PPP1R12A: variants seen among roughly 807,000 people sequenced by gnomAD.
PPP1R12A encodes protein phosphatase 1 regulatory subunit 12A.
PPP1R12A carries 19 observed loss-of-function variants against 139.6 expected under a neutral mutation model. The observed-to-expected ratio is 0.14, with a 90% CI of 0.09 to 0.20. The LOEUF is 0.20. Among genes scored for constraint, PPP1R12A ranks in the 10% least tolerant of loss-of-function variants. The pLI is 1.00. For missense variants in PPP1R12A, 925 were observed against 1,211.5 expected, an observed-to-expected ratio of 0.76 and a Z score of 3.51; for synonymous variants, 427 against 420.6, an observed-to-expected ratio of 1.02 and a Z score of -0.19.
intron 1 of PPP1R12A, among the ~76,000 whole-genome samples, chr12:79,883,489 A>G (rs1349229841): frequency 2.0e-5 from 3 of 152,122 alleles, no homozygotes; most frequent in Non-Finnish European, 4.4e-5. Flanking sequence ...AATGAAAGAT[A>G]TGAAGAGTTA....
chr12:79,871,874 T>TTA (rs775409839), intron 2 of PPP1R12A, among the ~76,000 whole-genome samples: 1 of 152,174 alleles, frequency 6.6e-6, no homozygotes, highest in Non-Finnish European at 1.5e-5. Context: ...CTTCCTCAGT[T>TTA]TATATACAAA....
chr12:79,818,087 G>A (rs1340600146), intron 8 of PPP1R12A, among the ~76,000 whole-genome samples: 2 of 152,168 alleles, frequency 1.3e-5, no homozygotes, highest in Admixed American at 1.3e-4. Context: ...ACCTAACTGT[G>A]TAGAGAATCA....
intron 2 of PPP1R12A, among the ~76,000 whole-genome samples, chr12:79,848,568 G>C (rs1322865805): frequency 6.6e-6 from 1 of 152,102 alleles, no homozygotes; most frequent in East Asian, 1.9e-4. Context: ...GAAACTAACA[G>C]AGTAAAGTAC....
chr12:79,846,376 G>A (rs1313632930), intron 2 of PPP1R12A, among the ~76,000 whole-genome samples: 1 of 152,100 alleles, frequency 6.6e-6, no homozygotes, highest in African/African-American at 2.4e-5. Flanking sequence ...ACATCTCCCA[G>A]AGTCATCTAC....
chr12:79,788,447 G>A, intron 21 of PPP1R12A: 1 of 505,774 alleles, frequency 2.0e-6, no homozygotes, highest in Non-Finnish European at 3.4e-6. Flanking sequence ...ATACTTAAAT[G>A]TAAAATCATC....
chr12:79,918,886 C>A (rs1361110660), intron 1 of PPP1R12A, among the ~76,000 whole-genome samples: 1 of 152,090 alleles, frequency 6.6e-6, no homozygotes, highest in African/African-American at 2.4e-5. Context: ...GAGGCCAAGG[C>A]GGGCAGATTA....
intron 1 of PPP1R12A, among the ~76,000 whole-genome samples, chr12:79,881,212 A>AT (rs1402686467): frequency 5.3e-5 from 8 of 152,214 alleles, no homozygotes. Context: ...CTCATTTTAA[A>AT]TTAAAAGCTA....
intron 1 of PPP1R12A, among the ~76,000 whole-genome samples, chr12:79,888,934 T>C (rs1425107168): frequency 1.3e-5 from 2 of 152,210 alleles, no homozygotes; most frequent in Non-Finnish European, 2.9e-5. Context: ...CACATATCCC[T>C]TGACAGTGCA....
upstream of PPP1R12A, chr12:79,935,255 G>A (rs372467030): frequency 7.4e-4 from 835 of 1,130,274 alleles, 12 homozygotes; most frequent in South Asian, 0.016. Context: ...CTGGGCCTGT[G>A]CCCGCCCCAG....
chr12:79,797,054 G>A (rs181896624), intron 16 of PPP1R12A, 104 bp from the exon 17 acceptor site: 13 of 1,379,788 alleles, frequency 9.4e-6, no homozygotes, highest in East Asian at 4.7e-5. Flanking sequence ...TACTAATCAC[G>A]CCAAAGTAAT....
intron 9 of PPP1R12A, among the ~76,000 whole-genome samples, chr12:79,811,127 C>T (rs1204422856): frequency 1.3e-5 from 2 of 152,148 alleles, no homozygotes; most frequent in Non-Finnish European, 2.9e-5. Flanking sequence ...CTAGTTGCCA[C>T]AAGCATAGGG....
chr12:79,806,453 C>T (rs1873846730), intron 12 of PPP1R12A, 120 bp from the exon 13 acceptor site: 2 of 819,310 alleles, frequency 2.4e-6, no homozygotes, highest in African/African-American at 1.7e-5. Context: ...TTCCTAAATA[C>T]ACCACCAGCT....
intron 1 of PPP1R12A, among the ~76,000 whole-genome samples, chr12:79,883,828 C>T (rs756479767): frequency 1.3e-5 from 2 of 152,034 alleles, no homozygotes; most frequent in Non-Finnish European, 2.9e-5. Context: ...TTTGTGATAC[C>T]TTAGTCAGTA....
intron 2 of PPP1R12A, among the ~76,000 whole-genome samples, chr12:79,857,052 C>G (rs949722776): frequency 5.3e-5 from 8 of 152,224 alleles, no homozygotes; most frequent in Non-Finnish European, 1.0e-4. Flanking sequence ...AAAAATTATG[C>G]TCATCCTTTT....
intron 23 of PPP1R12A, chr12:79,779,302 A>G (rs1182770227): frequency 7.8e-7 from 1 of 1,288,658 alleles, no homozygotes; most frequent in Non-Finnish European, 1.0e-6. Flanking sequence ...GATGAGCTGT[A>G]AAACTGGTTA....
chr12:79,807,801 G>A (rs1280751056), intron 11 of PPP1R12A, among the ~76,000 whole-genome samples: 1 of 152,030 alleles, frequency 6.6e-6, no homozygotes, highest in Non-Finnish European at 1.5e-5. Flanking sequence ...CACTTTGAGA[G>A]GCCGAGACAG....
chr12:79,901,556 G>A (rs1885644558), intron 1 of PPP1R12A, among the ~76,000 whole-genome samples: 2 of 150,732 alleles, frequency 1.3e-5, no homozygotes, highest in South Asian at 4.2e-4. Context: ...CTTCCTTAAA[G>A]GTAAATATTA....
intron 2 of PPP1R12A, among the ~76,000 whole-genome samples, chr12:79,863,447 G>C (rs1439780196): frequency 6.6e-6 from 1 of 152,008 alleles, no homozygotes; most frequent in Non-Finnish European, 1.5e-5. Flanking sequence ...ATAATGACAG[G>C]ATCGAATTCA....
At position 79,788,747 on chromosome 12, in the gene PPP1R12A, A is replaced by G. The variant is rs1871417543; in HGVS notation, c.2703T>C (p.Tyr901=). 1 of 1,612,318 alleles carries G rather than the reference A, an allele frequency of 6.2e-7. No individual in the cohort carries two copies. Among genetic ancestry groups the G allele is most frequent in the African/African-American group, 1.3e-5 (1 of 74,904 alleles). The part of the protein sequence containing the change: ...ETSSTSAGDR[Y]DSLLGRSGSY... ...ATCCAGAGCGACCCAGCAAGGAATC[A>G]TATCGATCACCAGCTGATGTAGAAC... Residue 901 remains tyrosine, a synonymous_variant, in exon 21 of 25, where the codon TAT becomes TAC. Coordinates refer to ENST00000450142, the MANE Select transcript of PPP1R12A (RefSeq NM_002480.3).
Sources: allele counts gnomAD v4.1 joint callset (sites outside exome capture counted in the v4.1 genomes callset), GRCh38; gene constraint gnomAD v4.1.1; transcripts MANE v1.5; gene names NCBI Gene and HGNC (gene_info 2026-07-23, HGNC 2026-07-21).